SLC5A9: variants seen among roughly 807,000 people sequenced by gnomAD.
SLC5A9 encodes solute carrier family 5 member 9.
A neutral mutation model predicts 70.9 loss-of-function variants in SLC5A9; 59 were observed. The observed-to-expected ratio is 0.83, with a 90% CI of 0.68 to 1.03. The LOEUF is 1.03. Ranked by LOEUF, SLC5A9 falls within the 50% of genes least tolerant of loss-of-function variation. SLC5A9 has a pLI of 0.00. For synonymous variants in SLC5A9, 340 were observed against 346.5 expected (o/e 0.98, Z 0.21); for missense variants, 832 against 881.1 (o/e 0.94, Z 0.71).
intron 8 of SLC5A9, 103 bp downstream of exon 8, chr1:48,232,605 T>A: frequency 6.8e-7 from 1 of 1,463,106 alleles, no homozygotes; most frequent in Non-Finnish European, 9.3e-7. Flanking sequence ...AGAGCAGGGG[T>A]TGGCAAGGTT....
At chr1:48,229,620 T>C (rs1644219568) in intron 4 of SLC5A9, 161 bp downstream of exon 4, 1 of 1,130,516 alleles carries the variant, frequency 8.8e-7, no homozygotes, top group East Asian at 2.6e-5. Flanking sequence ...GCCTCAGCAC[T>C]GGGGTACTCA....
intron 2 of SLC5A9, among the ~76,000 whole-genome samples, chr1:48,226,973 G>A (rs1644156518): frequency 6.6e-6 from 1 of 151,928 alleles, no homozygotes; most frequent in South Asian, 2.1e-4. Context: ...GTGTGAATTT[G>A]TTTCCATGTG....
intron 8 of SLC5A9, among the ~76,000 whole-genome samples, chr1:48,233,069 A>G (rs948313744): frequency 6.6e-6 from 1 of 151,894 alleles, no homozygotes; most frequent in African/African-American, 2.4e-5. Context: ...AAGAAAAAAG[A>G]AAAGAAAAGA....
In SLC5A9 at chr1:48,244,878, G is replaced by GTGTATATATATA. The variant is rs1391896495; in HGVS notation, c.1837+2263_1837+2264insGTATATATATAT. Among the ~76,000 whole-genome samples, 4 of 29,402 alleles carry GTGTATATATATA rather than the reference G, an allele frequency of 1.4e-4. 1 individual carries two copies. The highest frequency in any genetic ancestry group is 2.5e-4 in the African/African-American group (3 of 11,882). The allele number at this position is 29,402 out of a possible 152,430, so 19.3% of individuals were successfully genotyped here. On this transcript the variant is annotated intron_variant, in intron 13 of 13. Coordinates refer to ENST00000438567, the MANE Select transcript of SLC5A9 (RefSeq NM_001011547.3). ...TGTGTGTGTGTATGTATGTGTATGT[G>GTGTATATATATA]TATATATATATATATATATATATAT...
Position 48,229,299 on chromosome 1 carries a change from C to A in SLC5A9, c.344C>A (p.Thr115Asn). Residue 115 changes from threonine (T) to asparagine (N), a missense_variant, in exon 4 of 14, where the codon ACC becomes AAC. Physicochemically the swap from Thr to Asn is moderately conservative, Grantham distance 65 (BLOSUM62 0). Transcript: ENST00000438567. Reference protein sequence around the residue: ...LAVGGFEWNATWLLLALGWVF... With the variant: ...LAVGGFEWNANWLLLALGWVF... ...TTCTTCTCCCCACTCTCCCAGGCAACCTGGCTGCTCCTGGCCCTTGGCTGG... is the reference window on the plus strand; with the variant it reads ...TTCTTCTCCCCACTCTCCCAGGCAAACTGGCTGCTCCTGGCCCTTGGCTGG... The A allele has an allele frequency of 6.2e-7, 1 of 1,614,182 alleles. No individual in the cohort carries two copies. Among genetic ancestry groups the A allele is most frequent in the Non-Finnish European group, 8.5e-7 (1 of 1,180,032 alleles).
chr1:48,226,762 G>A (rs148929511), intron 2 of SLC5A9, among the ~76,000 whole-genome samples: 9 of 152,300 alleles, frequency 5.9e-5, no homozygotes, highest in Middle Eastern at 3.4e-3. Flanking sequence ...CCTGGGTTAG[G>A]AGCAGGAGAA....
intron 5 of SLC5A9, among the ~76,000 whole-genome samples, chr1:48,230,973 A>G (rs568428710): frequency 6.6e-6 from 1 of 152,290 alleles, no homozygotes; most frequent in African/African-American, 2.4e-5. Flanking sequence ...AGGCAGAGAC[A>G]GGGAAGGAGA....
rs754194259 is a variant in SLC5A9 at position 48,239,431 on chromosome 1, T to A, written c.1571T>A (p.Val524Glu). The A allele has an allele frequency of 3.7e-6, 6 of 1,614,186 alleles. No homozygotes were observed. Among genetic ancestry groups the A allele is most frequent in the Non-Finnish European group, 5.1e-6 (6 of 1,180,024 alleles). The change falls in exon 12 of 14, where the codon GTG becomes GAG. Residue 524 changes from valine to glutamate, a missense_variant. Val to Glu is a moderately radical substitution (Grantham distance 121). Coordinates refer to ENST00000438567, the MANE Select transcript of SLC5A9 (RefSeq NM_001011547.3). The surrounding 1 kb of genome is among the most constrained non-coding windows in gnomAD (Gnocchi z 4.2). ...GGGGAGGTGGACCGGAGGCCAGCAG[T>A]GCTGAAGGACTTCCACTACCTGTAC... is the stretch of plus-strand genomic sequence containing the variant. Reference protein sequence around the residue: ...ACGEVDRRPAVLKDFHYLYFA... With the variant: ...ACGEVDRRPAELKDFHYLYFA...
At chr1:48,223,051 G>C (rs1306554180) in intron 1 of SLC5A9, among the ~76,000 whole-genome samples, 153 bp downstream of exon 1, 1 of 152,054 alleles carries the variant, frequency 6.6e-6, no homozygotes, top group Non-Finnish European at 1.5e-5. Flanking sequence ...TCAGGCTCCT[G>C]ATCTCCTCAT....
intron 12 of SLC5A9, chr1:48,242,082 C>T (rs567037746): frequency 1.5e-5 from 7 of 463,918 alleles, no homozygotes; most frequent in South Asian, 1.1e-4. Flanking sequence ...CCATTGCCTA[C>T]AGGGTTTTTG....
Position 48,235,836 on chromosome 1 carries a change from T to A in SLC5A9, c.1249T>A (p.Phe417Ile). Residue 417 changes from phenylalanine to isoleucine, a missense_variant, in exon 10 of 14, where the codon TTC (phenylalanine) becomes ATC (isoleucine). By Grantham distance (21) the Phe-to-Ile change is conservative. Coordinates refer to ENST00000438567, the MANE Select transcript of SLC5A9 (RefSeq NM_001011547.3). ...TLFTIDVWQR[F>I]RRKSTEQELM... ...GTTCACCATTGATGTGTGGCAGCGC[T>A]TCCGCAGGAAGTCAACAGAGCAGGA... The A allele has an allele frequency of 2.5e-6, 4 of 1,614,210 alleles. No homozygotes were observed. Among genetic ancestry groups the A allele is most frequent in the Non-Finnish European group, 3.4e-6 (4 of 1,180,034 alleles).
intron 10 of SLC5A9, among the ~76,000 whole-genome samples, chr1:48,236,829 C>CTGAG (rs765754748): frequency 7.2e-5 from 11 of 152,108 alleles, no homozygotes; most frequent in Non-Finnish European, 1.5e-4. Context: ...ATTGCAGGAT[C>CTGAG]TGAGTGCAGG....
chr1:48,223,343 G>A lies in SLC5A9; in HGVS notation c.162+445G>A, dbSNP rs373420441. Among the ~76,000 whole-genome samples, 4 of 152,178 alleles carry A rather than the reference G, an allele frequency of 2.6e-5. No individual in the cohort carries two copies. The East Asian group carries it at 7.7e-4, about 29-fold the overall frequency. ...CATGTGCTCTCAGGGAAGTGTGCCA[G>A]GCTTATTCCAAGGTTCCTCTGTTCT... On this transcript the variant is annotated intron_variant, in intron 1 of 13. Coordinates refer to ENST00000438567, the MANE Select transcript of SLC5A9 (RefSeq NM_001011547.3).
chr1:48,231,750 C>T (rs1470646656), intron 6 of SLC5A9, 125 bp downstream of exon 6: 4 of 1,515,098 alleles, frequency 2.6e-6, no homozygotes, highest in Non-Finnish European at 3.5e-6. Flanking sequence ...TGTCCCCTCT[C>T]CAGGCTGCAG....
chr1:48,231,669 C>G (rs1644249792), intron 6 of SLC5A9, 44 bp downstream of exon 6: 1 of 1,604,828 alleles, frequency 6.2e-7, no homozygotes, highest in Non-Finnish European at 8.5e-7. Flanking sequence ...TTCTTAAATT[C>G]CTCTCTGTCC....
chr1:48,243,980 G>A (rs1457411019), intron 13 of SLC5A9, among the ~76,000 whole-genome samples: 1 of 152,210 alleles, frequency 6.6e-6, no homozygotes, highest in East Asian at 1.9e-4. Flanking sequence ...GTGCAAAGAT[G>A]TAGGGTTTAC....
chr1:48,223,620 C>T (rs1247605259), intron 1 of SLC5A9, among the ~76,000 whole-genome samples: 2 of 152,186 alleles, frequency 1.3e-5, no homozygotes, highest in African/African-American at 2.4e-5. Context: ...ATTATCACCA[C>T]GCATTCCACA....
chr1:48,244,616 A>G (rs1247767304), intron 13 of SLC5A9, among the ~76,000 whole-genome samples: 8 of 149,362 alleles, frequency 5.4e-5, no homozygotes. Flanking sequence ...TAAAACCCAC[A>G]TAGGCTCACT....
rs1034389353 is a variant in SLC5A9, at chr1:48,239,917, C to T, written c.1677+380C>T. On this transcript the variant is annotated intron_variant, in intron 12 of 13. Transcript: ENST00000438567. The surrounding 1 kb of genome is among the most constrained non-coding windows in gnomAD (Gnocchi z 4.2). ...GGAGAGGCAGTCACCTCCTGGGGGC[C>T]CAGGGAGGGCACACTGATGAGGACA... is the stretch of plus-strand genomic sequence containing the variant. 6.6e-6 allele frequency among the ~76,000 whole-genome samples: 1 copy of T among 152,082 alleles called. No individual in the cohort carries two copies. The highest frequency in any genetic ancestry group is 2.4e-5 in the African/African-American group (1 of 41,400).
Sources: allele counts gnomAD v4.1 joint callset (sites outside exome capture counted in the v4.1 genomes callset), GRCh38; gene constraint gnomAD v4.1.1; non-coding constraint Gnocchi (gnomAD v3.1); transcripts MANE v1.5; gene names NCBI Gene and HGNC (gene_info 2026-07-23, HGNC 2026-07-21).